The following RGS7 variants were observed in gnomAD, a reference collection of about 807,000 sequenced individuals.
RGS7 encodes regulator of G-protein signaling 7.
A neutral mutation model predicts 81.1 loss-of-function variants in RGS7; 27 were observed. The ratio of observed to expected loss-of-function variants is 0.33; its 90% CI spans 0.25 to 0.46. The LOEUF is 0.46. Among genes scored for constraint, RGS7 ranks in the 20% least tolerant of loss-of-function variants. The pLI is 1.00. For missense variants in RGS7, 396 were observed against 607.4 expected, an observed-to-expected ratio of 0.65 and a Z score of 3.66; for synonymous variants, 208 against 207.7, an observed-to-expected ratio of 1.00 and a Z score of -0.01.
At chr1:240,883,689 T>C (rs548585384) in intron 6 of RGS7, among the ~76,000 whole-genome samples, 103 of 152,352 alleles carry the variant, frequency 6.8e-4, no homozygotes, top group African/African-American at 2.4e-3. Context: ...CTCGGCCTCC[T>C]GTTCCAGCTC....
chr1:241,344,013 T>C (rs1391313946), intron 2 of RGS7, among the ~76,000 whole-genome samples: 1 of 152,224 alleles, frequency 6.6e-6, no homozygotes, highest in African/African-American at 2.4e-5. Flanking sequence ...CCTTTTTATA[T>C]ACCTTTATCT....
At chr1:241,306,586 C>A (rs2080166943) in intron 2 of RGS7, among the ~76,000 whole-genome samples, 1 of 150,602 alleles carries the variant, frequency 6.6e-6, no homozygotes, top group Non-Finnish European at 1.5e-5. Flanking sequence ...ACGTACAAAC[C>A]CTTACACACA....
chr1:241,047,397 T>G (rs1296387221), intron 3 of RGS7, among the ~76,000 whole-genome samples: 1 of 152,172 alleles, frequency 6.6e-6, no homozygotes, highest in Non-Finnish European at 1.5e-5. Flanking sequence ...CTGGTATCTT[T>G]CTTTCCCTCC....
chr1:241,294,341 C>T (rs527475138), intron 2 of RGS7, among the ~76,000 whole-genome samples: 9 of 152,108 alleles, frequency 5.9e-5, no homozygotes, highest in East Asian at 5.8e-4. Flanking sequence ...AAAACCTAGA[C>T]GATGGGTTGA....
chr1:241,135,638 C>G (rs1330832471), intron 2 of RGS7, among the ~76,000 whole-genome samples: 1 of 152,092 alleles, frequency 6.6e-6, no homozygotes, highest in Non-Finnish European at 1.5e-5. Flanking sequence ...CCAGGTTTGG[C>G]AGGCTCTTGT....
chr1:240,791,222 A>G (rs546092681), intron 18 of RGS7, among the ~76,000 whole-genome samples: 14 of 152,312 alleles, frequency 9.2e-5, no homozygotes, highest in African/African-American at 3.1e-4. Flanking sequence ...AATTACAGGA[A>G]TAAGTGGTGT....
intron 4 of RGS7, among the ~76,000 whole-genome samples, chr1:240,959,955 T>G (rs975760242): frequency 6.6e-6 from 1 of 151,844 alleles, no homozygotes; most frequent in Non-Finnish European, 1.5e-5. Flanking sequence ...AGGTCAGGAG[T>G]TTGAGACCAG....
chr1:241,123,199 C>G (rs2103004650), intron 2 of RGS7, among the ~76,000 whole-genome samples: 1 of 152,322 alleles, frequency 6.6e-6, no homozygotes, highest in South Asian at 2.1e-4. Flanking sequence ...ACCCTTGGCT[C>G]TGAGGACTTC....
chr1:241,089,098 C>G (rs2063705443), intron 3 of RGS7, among the ~76,000 whole-genome samples: 1 of 67,300 alleles, frequency 1.5e-5, no homozygotes, highest in African/African-American at 7.7e-5. Flanking sequence ...TATATATATA[C>G]TGGCTTAGAC....
At position 240,871,564 on chromosome 1, in the gene RGS7, T is replaced by C. The variant is rs1250913336; in HGVS notation, c.386-1445A>G. 2.0e-5 allele frequency among the ~76,000 whole-genome samples: 3 copies of C among 152,206 alleles called. No homozygotes were observed. The East Asian group carries it at 5.8e-4, about 29-fold the overall frequency. On this transcript the variant is annotated intron_variant, in intron 6 of 18. Coordinates refer to ENST00000440928, the MANE Select transcript of RGS7 (RefSeq NM_001364886.1). ...TTTGTACAATCTACCATAATAATTT[T>C]ATTGTTCTACTAATATTAGTAATTT...
rs888819583 is a variant in RGS7, at chr1:241,116,303, C to G, written c.79-17541G>C. Among the ~76,000 whole-genome samples, 11 of 152,176 alleles carry G rather than the reference C, an allele frequency of 7.2e-5. No homozygotes were observed. The East Asian group carries it at 2.1e-3, about 29-fold the overall frequency. ...CAGTGAGCCACAGGTACTCATCACC[C>G]ACCTGTAAAAATCTTCAGTTTATTA... On this transcript the variant is annotated intron_variant, in intron 2 of 18. Transcript: ENST00000440928.
intron 3 of RGS7, among the ~76,000 whole-genome samples, chr1:241,030,073 A>G (rs1263149838): frequency 6.6e-6 from 1 of 152,152 alleles, no homozygotes; most frequent in Non-Finnish European, 1.5e-5. Flanking sequence ...TATTACACTG[A>G]GAGTAAAGAT....
chr1:241,339,134 C>T (rs911235448), intron 2 of RGS7, among the ~76,000 whole-genome samples: 1 of 152,188 alleles, frequency 6.6e-6, no homozygotes, highest in Non-Finnish European at 1.5e-5. Flanking sequence ...TGAGAACATG[C>T]AGTGTTTAGT....
chr1:241,198,918 G>T (rs556718383), intron 2 of RGS7, among the ~76,000 whole-genome samples: 1 of 152,000 alleles, frequency 6.6e-6, no homozygotes, highest in Non-Finnish European at 1.5e-5. Flanking sequence ...AAACCCGTAT[G>T]CAAAAATATT....
At chr1:240,820,056 G>A (rs1450037431) in intron 10 of RGS7, among the ~76,000 whole-genome samples, 2 of 152,120 alleles carry the variant, frequency 1.3e-5, no homozygotes, top group Non-Finnish European at 2.9e-5. Context: ...TCCTATTTTG[G>A]CAGACAAATT....
intron 2 of RGS7, among the ~76,000 whole-genome samples, chr1:241,340,927 G>A (rs907438411): frequency 2.6e-5 from 4 of 152,136 alleles, no homozygotes; most frequent in African/African-American, 7.2e-5. Flanking sequence ...ATTTTAGCAG[G>A]GAGATAGAAA....
At chr1:240,980,364 C>T (rs1253195373) in intron 4 of RGS7, among the ~76,000 whole-genome samples, 1 of 152,162 alleles carries the variant, frequency 6.6e-6, no homozygotes, top group Non-Finnish European at 1.5e-5. Flanking sequence ...TCTCTTCTTC[C>T]ATCTTGCCAC....
chr1:241,246,645 G>T (rs1355693990), intron 2 of RGS7, among the ~76,000 whole-genome samples: 1 of 152,114 alleles, frequency 6.6e-6, no homozygotes, highest in Non-Finnish European at 1.5e-5. Flanking sequence ...TCGGGGGTAG[G>T]CAAAGTGGAT....
intron 3 of RGS7, among the ~76,000 whole-genome samples, chr1:241,014,803 A>C (rs2059139347): frequency 6.6e-6 from 1 of 152,242 alleles, no homozygotes; most frequent in African/African-American, 2.4e-5. Context: ...GGACGAATAC[A>C]TCATTCCTGG....
Sources: gnomAD v4.1 joint callset for allele counts (sites outside exome capture counted in the v4.1 genomes callset) on GRCh38, gnomAD v4.1.1 for gene constraint, MANE v1.5 for transcripts, NCBI Gene and HGNC (gene_info 2026-07-23, HGNC 2026-07-21) for gene names.